LARS2: variants seen among roughly 807,000 people sequenced by gnomAD.
LARS2 encodes leucine--tRNA ligase, mitochondrial.
Under a neutral mutation model 116.6 loss-of-function variants are expected in LARS2, and 81 were observed. The observed-to-expected ratio is 0.69, with a 90% CI of 0.58 to 0.84. LARS2 has a LOEUF of 0.84. Ranked by LOEUF, LARS2 falls within the 40% of genes least tolerant of loss-of-function variation. The probability of loss-of-function intolerance (pLI) is 0.00; values close to 1 mark genes in which losing one functional copy is unlikely to be tolerated. For missense variants in LARS2, 968 were observed against 1,114.5 expected (o/e 0.87, Z 1.87); for synonymous variants, 396 against 407.2 (o/e 0.97, Z 0.33).
chr3:45,523,802 C>A (rs1330790486), intron 19 of LARS2, among the ~76,000 whole-genome samples, 195 bp from the exon 20 acceptor site: 2 of 151,582 alleles, frequency 1.3e-5, no homozygotes, highest in African/African-American at 4.9e-5. Context: ...TGTCAGCTAC[C>A]ACACCTGGCT....
chr3:45,429,404 A>G (rs1361958134), intron 6 of LARS2, among the ~76,000 whole-genome samples: 1 of 152,104 alleles, frequency 6.6e-6, no homozygotes, highest in Admixed American at 6.5e-5. Flanking sequence ...TCAGCCAGGG[A>G]TTGGTCTTTG....
chr3:45,419,864 TCAA>T (rs1333721158), intron 6 of LARS2, 135 bp downstream of exon 6: 1 of 692,864 alleles, frequency 1.4e-6, no homozygotes, highest in Admixed American at 2.4e-5. Flanking sequence ...TTAGCACTCT[TCAA>T]AAAGTATCCT....
At chr3:45,404,895 C>G (rs1698207999) in intron 4 of LARS2, among the ~76,000 whole-genome samples, 1 of 152,124 alleles carries the variant, frequency 6.6e-6, no homozygotes, top group African/African-American at 2.4e-5. Flanking sequence ...CCAGTCCTTG[C>G]TATTTTTCAA....
At chr3:45,476,650 C>T in intron 10 of LARS2, 23 bp downstream of exon 10, 2 of 1,613,200 alleles carry the variant, frequency 1.2e-6, no homozygotes, top group African/African-American at 1.3e-5. Flanking sequence ...GTTAACGGCT[C>T]AGGTGGTAGG....
intron 4 of LARS2, among the ~76,000 whole-genome samples, chr3:45,414,150 C>T (rs913697889): frequency 9.2e-5 from 14 of 152,102 alleles, no homozygotes; most frequent in African/African-American, 3.4e-4. Flanking sequence ...TTCATCCTGG[C>T]CTTTTTTATA....
At chr3:45,525,162 G>A (rs1281412969) in intron 20 of LARS2, among the ~76,000 whole-genome samples, 1 of 152,174 alleles carries the variant, frequency 6.6e-6, no homozygotes. Context: ...TAGCTAAGAT[G>A]AGACTTATTT....
rs1167337084 is a variant in LARS2, at chr3:45,482,424, TTTTCTA to T, written c.1019-3255_1019-3250del. 2.8e-3 allele frequency among the ~76,000 whole-genome samples: 427 copies of T among 152,300 alleles called. 5 individuals are homozygous for T. Among genetic ancestry groups the T allele is most frequent in the African/African-American group, 9.7e-3 (404 of 41,562 alleles). On this transcript the variant is annotated intron_variant, in intron 10 of 21. Coordinates refer to ENST00000645846, the MANE Select transcript of LARS2 (RefSeq NM_015340.4). ...TTACAAACATTTTTCTATTTTTCTATTTTCTATTTCTATTTCTACATGGTTTCTGAG... is the reference window on the plus strand; with the variant it reads ...TTACAAACATTTTTCTATTTTTCTATTTTCTATTTCTACATGGTTTCTGAG...
chr3:45,435,655 T>G (rs1475674871), intron 6 of LARS2, among the ~76,000 whole-genome samples: 1 of 152,026 alleles, frequency 6.6e-6, no homozygotes, highest in Non-Finnish European at 1.5e-5. Flanking sequence ...CTCTCTCTTC[T>G]TTCTTTTTCT....
intron 11 of LARS2, 136 bp downstream of exon 11, chr3:45,485,932 CCCTT>C: frequency 5.5e-6 from 3 of 549,210 alleles, no homozygotes; most frequent in East Asian, 6.0e-5. Context: ...AAATGAATAA[CCCTT>C]CATTTAATCA....
intron 15 of LARS2, among the ~76,000 whole-genome samples, chr3:45,501,085 C>G (rs1700110222): frequency 6.7e-6 from 1 of 149,638 alleles, no homozygotes; most frequent in South Asian, 2.2e-4. Flanking sequence ...TGTGTGTGTA[C>G]TTTTCCCCAT....
chr3:45,485,624 C>A, intron 10 of LARS2, 68 bp from the exon 11 acceptor site: 1 of 833,312 alleles, frequency 1.2e-6, no homozygotes, highest in Non-Finnish European at 1.9e-6. Flanking sequence ...CACTTGTTTC[C>A]TCTGAGATTC....
intron 7 of LARS2, among the ~76,000 whole-genome samples, chr3:45,453,564 C>T (rs1023329990): frequency 6.6e-6 from 1 of 152,200 alleles, no homozygotes; most frequent in Non-Finnish European, 1.5e-5. Flanking sequence ...CACACTGGCA[C>T]CTCTTCCACT....
intron 21 of LARS2, 43 bp downstream of exon 21, chr3:45,541,999 C>G (rs747231151): frequency 6.2e-7 from 1 of 1,609,120 alleles, no homozygotes; most frequent in Admixed American, 1.7e-5. Context: ...AGTCCCTGCC[C>G]TGCTGGTGGC....
At chr3:45,444,056 G>A (rs994901195) in intron 6 of LARS2, among the ~76,000 whole-genome samples, 3 of 149,116 alleles carry the variant, frequency 2.0e-5, no homozygotes, top group African/African-American at 7.4e-5. Flanking sequence ...CCAGGCTGGA[G>A]TGCACTGGCG....
intron 8 of LARS2, among the ~76,000 whole-genome samples, chr3:45,473,580 C>T (rs1238940172): frequency 6.6e-6 from 1 of 151,684 alleles, no homozygotes; most frequent in African/African-American, 2.4e-5. Flanking sequence ...GACGGGGTTT[C>T]ACCATGTTGG....
rs530353151 is a variant in LARS2 at position 45,441,262 on chromosome 3, T to A, written c.517-5629T>A. 2.0e-5 allele frequency among the ~76,000 whole-genome samples: 3 copies of A among 152,256 alleles called. No homozygotes were observed. The East Asian group carries it at 5.8e-4, about 29-fold the overall frequency. On this transcript the variant is annotated intron_variant, in intron 6 of 21. Coordinates refer to ENST00000645846, the MANE Select transcript of LARS2 (RefSeq NM_015340.4). ...CTGGTCTCTAACTTCTGACCTCAGG[T>A]GATCTGACTGCCTTGGCCTCCCAAA...
rs1290395808 is a variant in LARS2 at position 45,394,457 on chromosome 3, G to T, written c.4G>T (p.Ala2Ser). Reference sequence around the variant, plus strand: ...GGGCCTTCTCACCTTCTGAAGAATGGCTTCTGTTTGGCAGAGATTGGGTTT... The same window carrying T: ...GGGCCTTCTCACCTTCTGAAGAATGTCTTCTGTTTGGCAGAGATTGGGTTT... M[A>S]SVWQRLGFYA... Residue 2 changes from alanine (A) to serine (S), a missense_variant, in exon 3 of 22, where the codon GCT becomes TCT. Transcript: ENST00000645846. 4.3e-6 allele frequency: 7 copies of T among 1,613,378 alleles called. No homozygotes were observed. Among genetic ancestry groups the T allele is most frequent in the Admixed American group, 3.3e-5 (2 of 60,024 alleles).
At chr3:45,462,925 A>C (rs1162586781) in intron 8 of LARS2, among the ~76,000 whole-genome samples, 1 of 152,192 alleles carries the variant, frequency 6.6e-6, no homozygotes, top group Non-Finnish European at 1.5e-5. Flanking sequence ...CCCCCAACCC[A>C]GTCCTCCTAG....
chr3:45,440,702 G>A (rs1698891231), intron 6 of LARS2, among the ~76,000 whole-genome samples: 1 of 152,106 alleles, frequency 6.6e-6, no homozygotes, highest in Admixed American at 6.5e-5. Flanking sequence ...CACTGTCAAA[G>A]TGGACCGAGA....
Sources: allele counts gnomAD v4.1 joint callset (sites outside exome capture counted in the v4.1 genomes callset), GRCh38; gene constraint gnomAD v4.1.1; transcripts MANE v1.5; gene names NCBI Gene and HGNC (gene_info 2026-07-23, HGNC 2026-07-21).